Variants in LRRC4C observed in about 807,000 individuals in gnomAD.
LRRC4C encodes the protein leucine rich repeat containing 4C, also known as leucine-rich repeat-containing protein 4C.
LRRC4C carries 5 observed loss-of-function variants against 33.6 expected under a neutral mutation model. That is an observed-to-expected ratio of 0.15 (90% CI 0.08 to 0.31). The LOEUF (loss-of-function observed/expected upper bound fraction) is 0.31. Ranked by LOEUF, LRRC4C falls within the 10% of genes least tolerant of loss-of-function variation. The pLI is 1.00. For synonymous variants in LRRC4C, 329 were observed against 302.0 expected (o/e 1.09, Z -0.93); for missense variants, 560 against 796.7 (o/e 0.70, Z 3.58).
At chr11:40,633,187 A>G (rs1219001533) in intron 3 of LRRC4C, among the ~76,000 whole-genome samples, 2 of 152,190 alleles carry the variant, frequency 1.3e-5, no homozygotes, top group Non-Finnish European at 2.9e-5. Flanking sequence ...GAGAGAAGTC[A>G]TCTTTGTTCA....
intron 5 of LRRC4C, among the ~76,000 whole-genome samples, chr11:40,207,096 T>C (rs1222513523): frequency 6.6e-6 from 1 of 152,184 alleles, no homozygotes; most frequent in Non-Finnish European, 1.5e-5. Context: ...AAGGCCAATA[T>C]TCACGAACTC....
At chr11:40,681,253 A>C (rs1944671900) in intron 2 of LRRC4C, among the ~76,000 whole-genome samples, 1 of 152,206 alleles carries the variant, frequency 6.6e-6, no homozygotes, top group Admixed American at 6.5e-5. Flanking sequence ...AACCAGTACA[A>C]GAGTACATAA....
Position 40,676,152 on chromosome 11 carries a change from A to C in LRRC4C, c.-406-27874T>G, listed in dbSNP as rs576737857. Among the ~76,000 whole-genome samples the C allele has an allele frequency of 3.4e-3, 518 of 152,296 alleles. 4 individuals are homozygous for C. The highest frequency in any genetic ancestry group is 0.012 in the African/African-American group (492 of 41,568). ...AACCTTGTGTCAGTAATTCACATAA[A>C]TCAAACAGCCAACTAGATGATGAAG... is the stretch of plus-strand genomic sequence containing the variant. On this transcript the variant is annotated intron_variant, in intron 2 of 6. Coordinates refer to ENST00000528697, the MANE Select transcript of LRRC4C (RefSeq NM_001258419.2).
At chr11:41,154,326 T>G (rs1420629302) in intron 1 of LRRC4C, among the ~76,000 whole-genome samples, 1 of 152,176 alleles carries the variant, frequency 6.6e-6, no homozygotes, top group African/African-American at 2.4e-5. Flanking sequence ...CTGGTCCTCA[T>G]ATAATTGCTT....
chr11:40,834,024 C>T (rs1425312090), intron 2 of LRRC4C, among the ~76,000 whole-genome samples: 3 of 152,062 alleles, frequency 2.0e-5, no homozygotes, highest in East Asian at 1.9e-4. Context: ...TGTGTACACA[C>T]CAAACCTGTG....
chr11:41,288,158 C>T (rs1319463733), intron 1 of LRRC4C, among the ~76,000 whole-genome samples: 1 of 152,136 alleles, frequency 6.6e-6, no homozygotes, highest in African/African-American at 2.4e-5. Flanking sequence ...AACAAGTAGG[C>T]AAATAAACAA....
At chr11:40,817,630 C>T (rs966568642) in intron 2 of LRRC4C, among the ~76,000 whole-genome samples, 2 of 152,116 alleles carry the variant, frequency 1.3e-5, no homozygotes, top group African/African-American at 2.4e-5. Context: ...TTTTCCTAAA[C>T]GAATGACAAA....
intron 2 of LRRC4C, among the ~76,000 whole-genome samples, chr11:40,914,731 T>G (rs1241480518): frequency 6.6e-6 from 1 of 152,150 alleles, no homozygotes; most frequent in African/African-American, 2.4e-5. Flanking sequence ...TAAAGGGTAT[T>G]CAATTAGGAA....
intron 5 of LRRC4C, among the ~76,000 whole-genome samples, chr11:40,189,636 T>C (rs929352487): frequency 6.6e-6 from 1 of 152,182 alleles, no homozygotes; most frequent in African/African-American, 2.4e-5. Context: ...AGACACTGGC[T>C]AAAAGATCAA....
intron 2 of LRRC4C, among the ~76,000 whole-genome samples, chr11:40,818,968 G>T (rs1208450561): frequency 6.6e-6 from 1 of 151,968 alleles, no homozygotes; most frequent in Non-Finnish European, 1.5e-5. Flanking sequence ...TAATACATAT[G>T]GATAATGCCT....
intron 3 of LRRC4C, among the ~76,000 whole-genome samples, chr11:40,411,475 T>C (rs1165592798): frequency 2.0e-5 from 3 of 152,116 alleles, no homozygotes; most frequent in Admixed American, 6.6e-5. Context: ...TCTAATCACA[T>C]TGAAGATCCA....
At chr11:40,884,977 A>G (rs1049261863) in intron 2 of LRRC4C, among the ~76,000 whole-genome samples, 11 of 152,010 alleles carry the variant, frequency 7.2e-5, no homozygotes, top group African/African-American at 2.4e-4. Flanking sequence ...TGGAACTTCA[A>G]AAAGGTGGGG....
chr11:40,382,058 G>A (rs982959538), intron 3 of LRRC4C, among the ~76,000 whole-genome samples: 19 of 135,464 alleles, frequency 1.4e-4, no homozygotes, highest in African/African-American at 4.9e-4. Flanking sequence ...CCGGGTTCAC[G>A]CCATTCTCCT....
chr11:40,491,316 A>C (rs981191822), intron 3 of LRRC4C, among the ~76,000 whole-genome samples: 1 of 152,144 alleles, frequency 6.6e-6, no homozygotes. Context: ...GGGAGAAGCC[A>C]TGTTGATTAG....
At chr11:41,369,999 T>C (rs1362998758) in intron 1 of LRRC4C, among the ~76,000 whole-genome samples, 1 of 152,142 alleles carries the variant, frequency 6.6e-6, no homozygotes, top group African/African-American at 2.4e-5. Context: ...TCAACAAATA[T>C]TTTACATTTT....
At chr11:40,469,522 G>T (rs1952821226) in intron 3 of LRRC4C, among the ~76,000 whole-genome samples, 2 of 152,118 alleles carry the variant, frequency 1.3e-5, no homozygotes, top group African/African-American at 4.8e-5. Context: ...TGGAATACCA[G>T]CGAGACAGAA....
chr11:40,407,881 C>T (rs187149812), intron 3 of LRRC4C, among the ~76,000 whole-genome samples: 3 of 151,942 alleles, frequency 2.0e-5, no homozygotes, highest in African/African-American at 4.8e-5. Context: ...AAAGAATTGG[C>T]AAAGAGAATG....
At chr11:40,440,713 T>C (rs551264109) in intron 3 of LRRC4C, among the ~76,000 whole-genome samples, 1 of 152,288 alleles carries the variant, frequency 6.6e-6, no homozygotes, top group East Asian at 1.9e-4. Flanking sequence ...GCTCTTGTGG[T>C]GATCTGAAAA....
At chr11:40,880,642 A>T (rs1176879447) in intron 2 of LRRC4C, among the ~76,000 whole-genome samples, 1 of 151,728 alleles carries the variant, frequency 6.6e-6, no homozygotes. Context: ...GAATATATGT[A>T]TATCTTTACT....
Sources: allele counts gnomAD v4.1 joint callset (sites outside exome capture counted in the v4.1 genomes callset), GRCh38; gene constraint gnomAD v4.1.1; transcripts MANE v1.5; gene names NCBI Gene and HGNC (gene_info 2026-07-23, HGNC 2026-07-21).